ASH1L: variants seen among roughly 807,000 people sequenced by gnomAD.
ASH1L encodes ASH1 like histone lysine methyltransferase.
In ASH1L, 23 loss-of-function variants were observed where a neutral mutation model predicts 269.0. That is an observed-to-expected ratio of 0.09 (90% confidence interval 0.06 to 0.12). ASH1L has a LOEUF of 0.12. Among genes scored for constraint, ASH1L ranks in the 10% least tolerant of loss-of-function variants. ASH1L has a pLI of 1.00. For synonymous variants in ASH1L, 1,187 were observed against 1,253.5 expected, an observed-to-expected ratio of 0.95 and a Z score of 1.12; for missense variants, 2,912 against 3,567.8, an observed-to-expected ratio of 0.82 and a Z score of 4.68.
chr1:155,386,878 T>C (rs571877600), intron 7 of ASH1L, among the ~76,000 whole-genome samples: 10 of 152,352 alleles, frequency 6.6e-5, no homozygotes, highest in African/African-American at 2.4e-4. Flanking sequence ...TTTGTTACAA[T>C]TGCTTTTGGC....
At position 155,347,653 on chromosome 1, in the gene ASH1L, C is replaced by T. The variant is rs759758992; in HGVS notation, c.7803+3G>A. 1.2e-6 allele frequency: 2 copies of T among 1,613,732 alleles called. No homozygotes were observed. The highest frequency in any genetic ancestry group is 1.7e-5 in the Admixed American group (1 of 60,004). On this transcript the variant is annotated splice_donor_region_variant and intron_variant, in intron 20 of 27. Coordinates refer to ENST00000392403, the MANE Select transcript of ASH1L (RefSeq NM_018489.3). ...AGCTTCTGCTTCATTTCCTGACCCT[C>T]ACCATGCACTTGTCACACTGGATCA...
At chr1:155,410,409 T>C (rs1659669261) in intron 6 of ASH1L, among the ~76,000 whole-genome samples, 1 of 152,136 alleles carries the variant, frequency 6.6e-6, no homozygotes, top group African/African-American at 2.4e-5. Context: ...GGTCAAAGGA[T>C]TCTTCTGCCT....
In ASH1L at chr1:155,433,682, G is replaced by A. The variant is rs1317571515; in HGVS notation, c.5828+4645C>T. On this transcript the variant is annotated intron_variant, in intron 5 of 27. Transcript: ENST00000392403. The stretch of plus-strand genomic sequence containing the variant: ...CCTGGGATATACACAGGCCGATGTG[G>A]GGCTCACCCTGGGGGTTCTATTTGG... The A allele has an allele frequency of 1.9e-6, 3 of 1,600,554 alleles. No homozygotes were observed. The South Asian group carries it at 3.4e-5, about 18-fold the overall frequency.
chr1:155,411,570 TATAAATAA>T (rs199583567), intron 6 of ASH1L, among the ~76,000 whole-genome samples: 50 of 72,016 alleles, frequency 6.9e-4, no homozygotes, highest in South Asian at 1.1e-3. Context: ...TAAATATGAA[TATAAATAA>T]ATAAATAAAT....
In ASH1L at chr1:155,343,243, A is replaced by G. The variant is rs1652962932; in HGVS notation, c.8293+71T>C. ...CAATCTGCCTGCCTCGGCCTCCCAC[A>G]CCGCTGGGATTATCAGCGTGAGCCA... On this transcript the variant is annotated intron_variant, in intron 24 of 27. Coordinates refer to ENST00000392403, the MANE Select transcript of ASH1L (RefSeq NM_018489.3). The surrounding 1 kb of genome is among the most constrained non-coding windows in gnomAD (Gnocchi z 6.1). 8 of 1,510,582 alleles carry G rather than the reference A, an allele frequency of 5.3e-6. No homozygotes were observed. The highest frequency in any genetic ancestry group is 1.3e-5 in the South Asian group (1 of 78,142). The allele number at this position is 1,510,582 out of a possible 1,614,324, so 93.6% of individuals were successfully genotyped here.
intron 2 of ASH1L, among the ~76,000 whole-genome samples, chr1:155,503,048 C>T (rs557655527): frequency 9.2e-5 from 14 of 152,292 alleles, no homozygotes; most frequent in Middle Eastern, 3.4e-3. Flanking sequence ...CTTTTGATCT[C>T]CTCAGCAATC....
Position 155,373,222 on chromosome 1 carries a change from C to CAAAAAAAAAACA in ASH1L, c.6333-2251_6333-2240dup, listed in dbSNP as rs1558041375. ...AGTGAGGCTCTGTCTAAAAAAAAAA[C>CAAAAAAAAAACA]AAAAAAAAAACAAAAAAAAACTGAA... On this transcript the variant is annotated intron_variant, in intron 10 of 27. Transcript: ENST00000392403. 2.9e-5 allele frequency among the ~76,000 whole-genome samples: 4 copies of CAAAAAAAAAACA among 136,796 alleles called. No homozygotes were observed. In the East Asian group the frequency reaches 8.5e-4, roughly 29 times the overall value. 89.7% of individuals were successfully genotyped at this position (136,796 alleles called of 152,430 possible).
intron 21 of ASH1L, among the ~76,000 whole-genome samples, chr1:155,345,571 C>CA (rs1553242322): frequency 9.5e-6 from 1 of 104,934 alleles, no homozygotes; most frequent in African/African-American, 3.7e-5. Flanking sequence ...CCATGCCCAG[C>CA]TTTTTTTTTT....
intron 1 of ASH1L, among the ~76,000 whole-genome samples, chr1:155,522,041 T>C (rs1487301744): frequency 6.6e-6 from 1 of 152,246 alleles, no homozygotes; most frequent in Non-Finnish European, 1.5e-5. Context: ...CTTTTTTTGA[T>C]ACTCCATTGA....
At chr1:155,495,113 C>T (rs1356332691) in intron 2 of ASH1L, among the ~76,000 whole-genome samples, 5 of 151,984 alleles carry the variant, frequency 3.3e-5, no homozygotes, top group Non-Finnish European at 5.9e-5. Flanking sequence ...GGAGCAAAAA[C>T]CTGGTTGAAA....
chr1:155,450,969 G>A (rs970474246), intron 4 of ASH1L, among the ~76,000 whole-genome samples: 5 of 152,070 alleles, frequency 3.3e-5, no homozygotes, highest in Admixed American at 1.3e-4. Flanking sequence ...AGGCTAAGGC[G>A]GTCGAATCAC....
chr1:155,380,006 C>G (rs1656799682), intron 8 of ASH1L, 37 bp downstream of exon 8: 1 of 1,480,514 alleles, frequency 6.8e-7, no homozygotes, highest in African/African-American at 1.4e-5. Flanking sequence ...CCCTTTACCA[C>G]TTAAGAATGA....
chr1:155,393,025 T>C (rs1658072870), intron 7 of ASH1L, among the ~76,000 whole-genome samples: 2 of 152,146 alleles, frequency 1.3e-5, no homozygotes, highest in South Asian at 4.1e-4. Context: ...CATTAGCAGA[T>C]TTTAAATTTG....
chr1:155,560,889 G>A lies in ASH1L; in HGVS notation c.-100+1264C>T, dbSNP rs563036336. On this transcript the variant is annotated intron_variant, in intron 1 of 27. Coordinates refer to ENST00000392403, the MANE Select transcript of ASH1L (RefSeq NM_018489.3). ...ATACAGGTCAGACTCGGCAAGGACA[G>A]CTACGTTCCACATACATATCTGACA... Among the ~76,000 whole-genome samples, 3 of 152,098 alleles carry A rather than the reference G, an allele frequency of 2.0e-5. No individual in the cohort carries two copies. In the East Asian group the frequency reaches 5.8e-4, roughly 29 times the overall value.
At chr1:155,473,345 C>T (rs2148707346) in intron 3 of ASH1L, among the ~76,000 whole-genome samples, 1 of 152,296 alleles carries the variant, frequency 6.6e-6, no homozygotes, top group East Asian at 1.9e-4. Context: ...TACACTAGAA[C>T]CAGCTATGTC....
chr1:155,522,726 G>A (rs541525594), intron 1 of ASH1L, among the ~76,000 whole-genome samples: 4 of 147,370 alleles, frequency 2.7e-5, no homozygotes, highest in South Asian at 2.1e-4. Context: ...TCGCTCTGTC[G>A]CCCAGGCTGG....
chr1:155,562,678 A>T lies in ASH1L; in HGVS notation c.-625T>A. 6.6e-7 allele frequency: 1 copy of T among 1,520,994 alleles called. No homozygotes were observed. Among genetic ancestry groups the T allele is most frequent in the South Asian group, 1.2e-5 (1 of 83,768 alleles). 94.2% of individuals were successfully genotyped at this position (1,520,994 alleles called of 1,614,324 possible). On this transcript the variant is annotated 5_prime_UTR_variant, in exon 1 of 28. Coordinates refer to ENST00000392403, the MANE Select transcript of ASH1L (RefSeq NM_018489.3). The stretch of plus-strand genomic sequence containing the variant: ...ACCACCTTCGGCCGCCCCGCGCGCC[A>T]GCCAGCCCGTACGCGCTCACCCACA...
intron 1 of ASH1L, among the ~76,000 whole-genome samples, chr1:155,546,938 TCA>T (rs1271756273): frequency 6.8e-6 from 1 of 146,592 alleles, no homozygotes; most frequent in Admixed American, 6.8e-5. Flanking sequence ...AAAGGTTTCA[TCA>T]CATTCTTTTT....
intron 1 of ASH1L, among the ~76,000 whole-genome samples, chr1:155,548,682 T>C (rs914265928): frequency 2.6e-5 from 4 of 152,168 alleles, no homozygotes; most frequent in African/African-American, 7.2e-5. Flanking sequence ...TCTAGATAAA[T>C]TTCTCCCAGT....
Sources: allele counts gnomAD v4.1 joint callset (sites outside exome capture counted in the v4.1 genomes callset), GRCh38; gene constraint gnomAD v4.1.1; non-coding constraint Gnocchi (gnomAD v3.1); transcripts MANE v1.5; gene names NCBI Gene and HGNC (gene_info 2026-07-23, HGNC 2026-07-21).